PROSER2: variants seen among roughly 807,000 people sequenced by gnomAD.
PROSER2 encodes the protein proline and serine rich 2.
A neutral mutation model predicts 14.6 loss-of-function variants in PROSER2; 18 were observed. The ratio of observed to expected loss-of-function variants is 1.23; its 90% confidence interval spans 0.85 to 1.83. The LOEUF is 1.83. PROSER2 is among the 40% of genes most tolerant of loss of function. PROSER2 has a pLI of 0.00. For missense variants in PROSER2, 823 were observed against 629.8 expected (o/e 1.31, Z -3.28); for synonymous variants, 367 against 286.4 (o/e 1.28, Z -2.84).
intron 1 of PROSER2, among the ~76,000 whole-genome samples, chr10:11,843,245 A>G (rs1588488167): frequency 6.8e-6 from 1 of 146,230 alleles, no homozygotes. Flanking sequence ...CAGCCTTGCC[A>G]TTGTTCCTGA....
intron 1 of PROSER2, among the ~76,000 whole-genome samples, chr10:11,842,376 A>AT (rs943634811): frequency 6.2e-4 from 89 of 144,544 alleles, no homozygotes; most frequent in African/African-American, 8.6e-4. Context: ...TTTTGGAATG[A>AT]TTTTTTTTTT....
rs1170148195 is a variant in PROSER2 at position 11,856,270 on chromosome 10, C to CT, written c.138+4056dup. Among the ~76,000 whole-genome samples the CT allele has an allele frequency of 1.3e-5, 2 of 152,206 alleles. No individual in the cohort carries two copies. The highest frequency in any genetic ancestry group is 4.8e-5 in the African/African-American group (2 of 41,454). ...GGTGTTTGGTTACCACCGTCACCCTCTAAGGCCTGTGTCTCCAGGGCTCAC... is the reference window on the plus strand; with the variant it reads ...GGTGTTTGGTTACCACCGTCACCCTCTTAAGGCCTGTGTCTCCAGGGCTCAC... On this transcript the variant is annotated intron_variant, in intron 2 of 3. Coordinates refer to ENST00000277570, the MANE Select transcript of PROSER2 (RefSeq NM_153256.4). This position sits in a 1 kb window ranked among gnomAD's most constrained non-coding sequence, Gnocchi z 5.3.
At chr10:11,841,922 A>G (rs1319490083) in intron 1 of PROSER2, among the ~76,000 whole-genome samples, 1 of 152,146 alleles carries the variant, frequency 6.6e-6, no homozygotes, top group African/African-American at 2.4e-5. Context: ...CTGTATTCTC[A>G]GGCTTGATAA....
At chr10:11,858,092 G>A (rs1834158757) in intron 2 of PROSER2, among the ~76,000 whole-genome samples, 2 of 152,124 alleles carry the variant, frequency 1.3e-5, no homozygotes, top group East Asian at 1.9e-4. Context: ...GTGCTACCAC[G>A]CCTGGCTAAT....
chr10:11,835,926 C>T (rs1833753963), intron 1 of PROSER2, among the ~76,000 whole-genome samples: 1 of 152,160 alleles, frequency 6.6e-6, no homozygotes, highest in Non-Finnish European at 1.5e-5. Flanking sequence ...AGAGTTCCCA[C>T]CGTGAAACGC....
intron 1 of PROSER2, among the ~76,000 whole-genome samples, chr10:11,832,798 G>C (rs188994432): frequency 2.3e-3 from 330 of 142,254 alleles, no homozygotes; most frequent in African/African-American, 8.0e-3. Context: ...TTAGATCCAA[G>C]GTCTGTTTTT....
Position 11,869,743 on chromosome 10 carries a change from C to T in PROSER2, c.645C>T (p.Ser215=), listed in dbSNP as rs1834429922. Residue 215 remains serine (S), a synonymous_variant, in exon 4 of 4, where the codon TCC becomes TCT. Transcript: ENST00000277570. The surrounding 1 kb of genome is among the most constrained non-coding windows in gnomAD (Gnocchi z 4.4). ...MAGNEALSPT[S]PFREGRPGEW... ...GGAACGAAGCCCTCTCGCCCACCTC[C>T]CCGTTCAGGGAGGGCCGGCCCGGGG... is the stretch of plus-strand genomic sequence containing the variant. 6.3e-7 allele frequency: 1 copy of T among 1,586,122 alleles called. No individual in the cohort carries two copies. Among genetic ancestry groups the T allele is most frequent in the Non-Finnish European group, 8.6e-7 (1 of 1,167,590 alleles).
intron 2 of PROSER2, among the ~76,000 whole-genome samples, chr10:11,863,679 TAACTC>T (rs1462052596): frequency 3.3e-5 from 5 of 152,220 alleles, no homozygotes; most frequent in Admixed American, 2.6e-4. Context: ...CAACAGCTCT[TAACTC>T]TACCTATTTG....
intron 1 of PROSER2, among the ~76,000 whole-genome samples, chr10:11,834,216 A>G (rs1833727420): frequency 6.7e-6 from 1 of 150,364 alleles, no homozygotes; most frequent in Non-Finnish European, 1.5e-5. Context: ...AATGATCTCG[A>G]TCTTTTGACC....
rs1201393758 is a variant in PROSER2 at position 11,869,914 on chromosome 10, C to G, written c.816C>G (p.Ser272=). The change falls in exon 4 of 4, where the codon TCC becomes TCG. Residue 272 remains serine, a synonymous_variant. Coordinates refer to ENST00000277570, the MANE Select transcript of PROSER2 (RefSeq NM_153256.4). The surrounding 1 kb of genome is among the most constrained non-coding windows in gnomAD (Gnocchi z 4.4). ...CCCGGGAGCCCCGCAGGACCCTGTC[C>G]AGGGCGGCCGTCAGCGTGCAGGAGC... The part of the protein sequence containing the change: ...GAAREPRRTL[S]RAAVSVQERR... 3.2e-6 allele frequency: 5 copies of G among 1,575,336 alleles called. No homozygotes were observed. The South Asian group carries it at 5.8e-5, about 18-fold the overall frequency.
intron 2 of PROSER2, among the ~76,000 whole-genome samples, chr10:11,864,354 T>G (rs909788176): frequency 2.6e-5 from 4 of 152,160 alleles, no homozygotes; most frequent in Non-Finnish European, 4.4e-5. Flanking sequence ...ATAAGAATAG[T>G]ACAGAGAACT....
At chr10:11,853,735 T>A (rs1490407306) in intron 2 of PROSER2, among the ~76,000 whole-genome samples, 1 of 152,144 alleles carries the variant, frequency 6.6e-6, no homozygotes, top group African/African-American at 2.4e-5. Context: ...CCTTCGTTTC[T>A]CCGTAGACGT....
At chr10:11,832,797 A>T (rs561829026) in intron 1 of PROSER2, among the ~76,000 whole-genome samples, 1 of 145,158 alleles carries the variant, frequency 6.9e-6, no homozygotes, top group South Asian at 2.2e-4. Flanking sequence ...TTTAGATCCA[A>T]GGTCTGTTTT....
intron 2 of PROSER2, among the ~76,000 whole-genome samples, chr10:11,854,796 C>T (rs1834092079): frequency 6.6e-6 from 1 of 152,158 alleles, no homozygotes; most frequent in Non-Finnish European, 1.5e-5. Flanking sequence ...CCGCACTTAG[C>T]AGCCAGTCCC....
chr10:11,854,321 T>C (rs1157263002), intron 2 of PROSER2, among the ~76,000 whole-genome samples: 1 of 152,256 alleles, frequency 6.6e-6, no homozygotes, highest in East Asian at 1.9e-4. Context: ...CTGTTGTTTT[T>C]GTTTAAGACA....
chr10:11,867,649 A>T (rs1260471271), intron 3 of PROSER2, among the ~76,000 whole-genome samples: 1 of 152,156 alleles, frequency 6.6e-6, no homozygotes. Context: ...ATCTCATACC[A>T]CTGCTGACGT....
intron 1 of PROSER2, among the ~76,000 whole-genome samples, chr10:11,842,117 G>A (rs572092413): frequency 6.6e-6 from 1 of 151,862 alleles, no homozygotes; most frequent in Non-Finnish European, 1.5e-5. Context: ...AGCTACTTGA[G>A]AGGCTAAGGC....
At chr10:11,859,871 A>ACTGCCCATCCCTGCCC (rs1158282391) in intron 2 of PROSER2, among the ~76,000 whole-genome samples, 5 of 152,330 alleles carry the variant, frequency 3.3e-5, no homozygotes, top group Admixed American at 2.0e-4. Context: ...ATTTGCAGTC[A>ACTGCCCATCCCTGCCC]CTGCCCATCC....
intron 2 of PROSER2, among the ~76,000 whole-genome samples, chr10:11,860,267 G>A (rs1417629951): frequency 2.0e-5 from 3 of 152,166 alleles, no homozygotes; most frequent in Non-Finnish European, 4.4e-5. Context: ...GGTTGAGGAT[G>A]TGAGAATCTC....
Sources: gnomAD v4.1 joint callset for allele counts (sites outside exome capture counted in the v4.1 genomes callset) on GRCh38, gnomAD v4.1.1 for gene constraint, Gnocchi (gnomAD v3.1) non-coding constraint, MANE v1.5 for transcripts, NCBI Gene and HGNC (gene_info 2026-07-23, HGNC 2026-07-21) for gene names.